CRBN: variants seen among roughly 807,000 people sequenced by gnomAD.
The protein encoded by CRBN is cereblon.
Under a neutral mutation model 62.2 loss-of-function variants are expected in CRBN, and 53 were observed. The ratio of observed to expected loss-of-function variants is 0.85; its 90% CI spans 0.68 to 1.07. The LOEUF is 1.07. Among genes scored for constraint, CRBN ranks in the 50% least tolerant of loss-of-function variants. The pLI, the probability that CRBN is intolerant of heterozygous loss-of-function variation, is 0.00. For synonymous variants in CRBN, 208 were observed against 176.1 expected (o/e 1.18, Z -1.43); for missense variants, 616 against 531.1 (o/e 1.16, Z -1.57).
At chr3:3,159,273 C>A (rs949155735) in intron 5 of CRBN, among the ~76,000 whole-genome samples, 2 of 152,102 alleles carry the variant, frequency 1.3e-5, no homozygotes, top group South Asian at 2.1e-4. Context: ...AAATTCAATA[C>A]CCTGTCGAGC....
At chr3:3,167,553 A>C (rs1190698206) in intron 5 of CRBN, 81 bp downstream of exon 5, 1 of 1,370,936 alleles carries the variant, frequency 7.3e-7, no homozygotes, top group South Asian at 1.2e-5. Context: ...TGAATCATGA[A>C]AGTTGTGTTT....
chr3:3,165,703 CT>C (rs1183568833), intron 5 of CRBN, among the ~76,000 whole-genome samples: 1 of 152,012 alleles, frequency 6.6e-6, no homozygotes, highest in Admixed American at 6.6e-5. Flanking sequence ...ATGAGACTAA[CT>C]TTATTGTGAT....
intron 4 of CRBN, 190 bp downstream of exon 4, chr3:3,172,586 G>C (rs1467479698): frequency 4.9e-6 from 3 of 617,318 alleles, no homozygotes; most frequent in Non-Finnish European, 8.6e-6. Flanking sequence ...AGCTTCTATA[G>C]TTTTAAAAGC....
intron 5 of CRBN, among the ~76,000 whole-genome samples, chr3:3,162,391 G>C (rs1707178175): frequency 6.6e-6 from 1 of 151,976 alleles, no homozygotes; most frequent in African/African-American, 2.4e-5. Flanking sequence ...ATAGAGAAAG[G>C]CACTGTGATG....
chr3:3,168,201 T>TA (rs1251646592), intron 4 of CRBN, among the ~76,000 whole-genome samples: 1 of 152,116 alleles, frequency 6.6e-6, no homozygotes, highest in Admixed American at 6.5e-5. Context: ...GCTTAACTCT[T>TA]ACATCTATCC....
intron 4 of CRBN, 50 bp downstream of exon 4, chr3:3,172,726 A>C (rs376915093): frequency 1.3e-5 from 20 of 1,558,668 alleles, no homozygotes; most frequent in East Asian, 2.2e-5. Flanking sequence ...CAAGAAAACT[A>C]TTTCATTAGG....
chr3:3,166,139 T>G (rs1022128721), intron 5 of CRBN, among the ~76,000 whole-genome samples: 4 of 149,470 alleles, frequency 2.7e-5, no homozygotes, highest in Non-Finnish European at 4.4e-5. Context: ...AATCTCATCT[T>G]GAATTGTAAC....
At chr3:3,169,789 G>A (rs1324214477) in intron 4 of CRBN, among the ~76,000 whole-genome samples, 1 of 152,120 alleles carries the variant, frequency 6.6e-6, no homozygotes, top group East Asian at 1.9e-4. Context: ...AGACAGGTAA[G>A]AGATCTTCTC....
intron 8 of CRBN, 144 bp from the exon 9 acceptor site, chr3:3,153,632 T>A: frequency 1.5e-6 from 1 of 673,582 alleles, no homozygotes; most frequent in East Asian, 2.7e-5. Context: ...TCAAAAACAC[T>A]TTTAAAGATG....
intron 1 of CRBN, among the ~76,000 whole-genome samples, chr3:3,176,321 A>G (rs144571576): frequency 6.6e-6 from 1 of 152,238 alleles, no homozygotes; most frequent in Non-Finnish European, 1.5e-5. Flanking sequence ...TTCCTACATA[A>G]GTAAGAAAAG....
intron 4 of CRBN, among the ~76,000 whole-genome samples, chr3:3,171,123 G>C (rs1226801007): frequency 9.2e-5 from 14 of 152,116 alleles, no homozygotes; most frequent in South Asian, 2.1e-4. Flanking sequence ...ATCTTTACTA[G>C]AGTCAAAAAT....
intron 5 of CRBN, among the ~76,000 whole-genome samples, chr3:3,164,797 C>T (rs952918253): frequency 6.6e-6 from 1 of 152,086 alleles, no homozygotes; most frequent in Admixed American, 6.5e-5. Context: ...TTCTGTGACC[C>T]ATGGATCAAG....
intron 5 of CRBN, 94 bp from the exon 6 acceptor site, chr3:3,156,375 G>A (rs1706893549): frequency 9.1e-7 from 1 of 1,102,328 alleles, no homozygotes; most frequent in East Asian, 2.4e-5. Context: ...TTTGGCCTAG[G>A]AAAACATCTA....
chr3:3,174,261 A>G lies in CRBN; in HGVS notation c.175T>C (p.Tyr59His), dbSNP rs1308449938. ...FDTSLPTSHT[Y>H]LGADMEEFHG... ...AATTCTTCCATATCAGCACCTAGGT[A>G]CTATATAAAAACATATATAGGTATA... The change falls in exon 3 of 11, where the codon TAC (tyrosine) becomes CAC (histidine). Residue 59 changes from tyrosine (Y) to histidine (H), a missense_variant and splice_region_variant. By Grantham distance (83) the Tyr-to-His change is moderately conservative. Coordinates refer to ENST00000231948, the MANE Select transcript of CRBN (RefSeq NM_016302.4). 1.2e-6 allele frequency: 2 copies of G among 1,608,110 alleles called. No homozygotes were observed. Among genetic ancestry groups the G allele is most frequent in the East Asian group, 2.2e-5 (1 of 44,866 alleles).
intron 9 of CRBN, among the ~76,000 whole-genome samples, 189 bp from the exon 10 acceptor site, chr3:3,152,776 T>C (rs1049600380): frequency 6.6e-6 from 1 of 152,118 alleles, no homozygotes; most frequent in Non-Finnish European, 1.5e-5. Flanking sequence ...GACAGGCCTG[T>C]TTTGTCTAAA....
chr3:3,176,945 C>A (rs1406054374), intron 1 of CRBN, among the ~76,000 whole-genome samples: 1 of 152,196 alleles, frequency 6.6e-6, no homozygotes, highest in Admixed American at 6.5e-5. Context: ...TTCATACAAA[C>A]TATGAGTAAA....
Position 3,153,955 on chromosome 3 carries a change from CTCACTTTAT to C in CRBN, c.947_951+4del, listed in dbSNP as rs1706755788. The C allele has an allele frequency of 1.3e-6, 2 of 1,554,484 alleles. No individual in the cohort carries two copies. The highest frequency in any genetic ancestry group is 1.8e-6 in the Non-Finnish European group (2 of 1,125,594). On this transcript the variant is annotated splice_donor_variant and splice_donor_region_variant and coding_sequence_variant and intron_variant, in exon 8 of 11. Transcript: ENST00000231948. LOFTEE classifies it high-confidence loss of function. ...GGGCATCAAAAACATATTCACTTTACTCACTTTATTCATAATGTCTAATTCACAGCGAAG... is the reference window on the plus strand; with the variant it reads ...GGGCATCAAAAACATATTCACTTTACTCATAATGTCTAATTCACAGCGAAG...
At chr3:3,153,870 C>G (rs546238752) in intron 8 of CRBN, 90 bp downstream of exon 8, 10 of 791,014 alleles carry the variant, frequency 1.3e-5, no homozygotes, top group South Asian at 9.8e-5. Context: ...TTACTGGACT[C>G]TATACAGAGC....
At position 3,152,449 on chromosome 3, in the gene CRBN, A is replaced by AT. The variant is rs1429325989; in HGVS notation, c.1148+6dup. ...AAAAAAAAAAGCAACCACCACCATA[A>AT]TATTACCCAGGAAACCAGCTGTGTT... On this transcript the variant is annotated splice_region_variant and intron_variant, in intron 10 of 10. Coordinates refer to ENST00000231948, the MANE Select transcript of CRBN (RefSeq NM_016302.4). 2 of 1,613,630 alleles carry AT rather than the reference A, an allele frequency of 1.2e-6. No individual in the cohort carries two copies. Among genetic ancestry groups the AT allele is most frequent in the African/African-American group, 2.7e-5 (2 of 74,856 alleles).
Sources: allele counts gnomAD v4.1 joint callset (sites outside exome capture counted in the v4.1 genomes callset), GRCh38; gene constraint gnomAD v4.1.1; transcripts MANE v1.5; gene names NCBI Gene and HGNC (gene_info 2026-07-23, HGNC 2026-07-21).